The following SRPRA variants were observed in gnomAD, a reference collection of about 807,000 sequenced individuals.
The protein encoded by SRPRA is SRP receptor subunit alpha.
A neutral mutation model predicts 61.1 loss-of-function variants in SRPRA; 30 were observed. The observed-to-expected ratio is 0.49, with a 90% CI of 0.37 to 0.67. The LOEUF is 0.67. Among genes scored for constraint, SRPRA ranks in the 30% least tolerant of loss-of-function variants. The pLI, the probability that SRPRA is intolerant of heterozygous loss-of-function variation, is 0.00. For missense variants in SRPRA, 759 were observed against 828.4 expected (o/e 0.92, Z 1.03); for synonymous variants, 324 against 299.7 (o/e 1.08, Z -0.84).
the SRPRA span, among the ~76,000 whole-genome samples, chr11:126,238,030 T>G: frequency 6.6e-6 from 1 of 152,090 alleles, no homozygotes; most frequent in African/African-American, 2.4e-5. Context: ...GAGGTGACCC[T>G]TGTTTGTCTG....
chr11:126,246,613 C>CT, the SRPRA span, among the ~76,000 whole-genome samples: 6 of 151,902 alleles, frequency 3.9e-5, no homozygotes, highest in South Asian at 6.2e-4. Flanking sequence ...TTTTTTCTTT[C>CT]TTTTTTTAAA....
At position 126,266,079 on chromosome 11, in the gene SRPRA, G is replaced by A. The variant is rs138456100; in HGVS notation, c.935C>T (p.Ala312Val). Residue 312 changes from alanine to valine, a missense_variant and splice_region_variant, in exon 8 of 14, where the codon GCG becomes GTG. Transcript: ENST00000332118. ...GAAQNSTKPS[A>V]TKGTLGGMFG... ...CATGCCACCCAGTGTTCCCTTGGTC[G>A]CACTGCAGGGACAGGAGATTACACA... is the stretch of plus-strand genomic sequence containing the variant. The A allele has an allele frequency of 1.2e-4, 193 of 1,614,002 alleles. No individual in the cohort carries two copies. The African/African-American group carries it at 1.7e-3, about 15-fold the overall frequency.
At chr11:126,262,300 A>C (rs992041329), downstream of SRPRA, 10 of 674,624 alleles carry the variant, frequency 1.5e-5, no homozygotes, top group Non-Finnish European at 2.3e-5. Context: ...GTAATCCTTC[A>C]TACCACCTGG....
At chr11:126,256,953 A>G in the SRPRA span, 3 of 1,254,332 alleles carry the variant, frequency 2.4e-6, no homozygotes, top group Non-Finnish European at 3.3e-6. The surrounding 1 kb of genome is among the most constrained non-coding windows in gnomAD (Gnocchi z 6.6). Flanking sequence ...AAGATGAGGA[A>G]TGTAATGACT....
At chr11:126,260,455 C>T (rs1261212491), downstream of SRPRA, 2 of 150,808 alleles carry the variant, frequency 1.3e-5, no homozygotes, top group Non-Finnish European at 3.0e-5. Context: ...TTTCCCACAT[C>T]CCTATCTTCA....
chr11:126,241,767 C>T, the SRPRA span, among the ~76,000 whole-genome samples: 8 of 152,088 alleles, frequency 5.3e-5, no homozygotes, highest in Non-Finnish European at 1.2e-4. Context: ...TCAAGCTGGT[C>T]TCGAACTTCT....
downstream of SRPRA, chr11:126,261,558 G>A: frequency 7.7e-7 from 1 of 1,303,244 alleles, no homozygotes; most frequent in Non-Finnish European, 1.1e-6. Flanking sequence ...TAAGAATATA[G>A]AGAATGTTAC....
At chr11:126,250,751 G>T in the SRPRA span, 1 of 1,557,968 alleles carries the variant, frequency 6.4e-7, no homozygotes, top group Non-Finnish European at 8.8e-7. This position sits in a 1 kb window ranked among gnomAD's most constrained non-coding sequence, Gnocchi z 5.1. Flanking sequence ...GTAAAGCATT[G>T]GTCCCTTCTT....
downstream of SRPRA, chr11:126,262,422 C>G (rs1427370517): frequency 1.3e-5 from 6 of 447,192 alleles, no homozygotes; most frequent in Non-Finnish European, 2.0e-5. Flanking sequence ...ACACAGCACA[C>G]CAATGTGATA....
chr11:126,255,500 C>T, the SRPRA span, among the ~76,000 whole-genome samples: 1 of 152,178 alleles, frequency 6.6e-6, no homozygotes, highest in Admixed American at 6.5e-5. This position sits in a 1 kb window ranked among gnomAD's most constrained non-coding sequence, Gnocchi z 4.6. Context: ...TACACACACA[C>T]ACACATACTG....
the SRPRA span, among the ~76,000 whole-genome samples, chr11:126,255,463 T>C: frequency 6.6e-6 from 1 of 152,202 alleles, no homozygotes; most frequent in Non-Finnish European, 1.5e-5. The surrounding 1 kb of genome is among the most constrained non-coding windows in gnomAD (Gnocchi z 4.6). Context: ...AGGCAGTCAT[T>C]TCTGTGTTTT....
the SRPRA span, chr11:126,256,552 A>G: frequency 6.2e-7 from 1 of 1,612,022 alleles, no homozygotes; most frequent in Non-Finnish European, 8.5e-7. The surrounding 1 kb of genome is among the most constrained non-coding windows in gnomAD (Gnocchi z 6.6). Context: ...AATATGTTGT[A>G]TCTTTTCCTT....
downstream of SRPRA, chr11:126,261,371 A>G: frequency 6.8e-7 from 1 of 1,476,516 alleles, no homozygotes; most frequent in East Asian, 2.3e-5. Flanking sequence ...TCTTTTTGCT[A>G]TTAATAGTTT....
intron 5 of SRPRA, 34 bp downstream of exon 5, chr11:126,266,729 A>C: frequency 6.2e-7 from 1 of 1,611,654 alleles, no homozygotes; most frequent in African/African-American, 1.3e-5. Flanking sequence ...TCTAGATAAC[A>C]GTATTTTGAG....
Position 126,265,026 on chromosome 11 carries a change from C to T in SRPRA, c.1458G>A (p.Met486Ile). 8.7e-6 allele frequency: 14 copies of T among 1,614,190 alleles called. No homozygotes were observed. Among genetic ancestry groups the T allele is most frequent in the Non-Finnish European group, 1.2e-5 (14 of 1,180,038 alleles). The change falls in exon 11 of 14, where the codon ATG becomes ATA. Residue 486 changes from methionine (M) to isoleucine (I), a missense_variant. Met to Ile is a conservative substitution (Grantham distance 10). Coordinates refer to ENST00000332118, the MANE Select transcript of SRPRA (RefSeq NM_003139.4). The surrounding 1 kb of genome is among the most constrained non-coding windows in gnomAD (Gnocchi z 6.3). ...CATAGCCCTTTTCAAACAACTGCAC[C>T]ATGGTGCGGCCACCATGCTTCTCTG... ...HPPEKHGGRT[M>I]VQLFEKGYGK...
Position 126,267,383 on chromosome 11 carries a change from A to G in SRPRA, c.366-48T>C. ...TATCTTTCTACCCCATGCAGAAGGA[A>G]AAATAACGGTCCAGAGAAAGGACTC... On this transcript the variant is annotated intron_variant, in intron 3 of 13. Coordinates refer to ENST00000332118, the MANE Select transcript of SRPRA (RefSeq NM_003139.4). The surrounding 1 kb of genome is among the most constrained non-coding windows in gnomAD (Gnocchi z 4.2). The G allele has an allele frequency of 6.2e-7, 1 of 1,604,502 alleles. No individual in the cohort carries two copies.
At chr11:126,240,183 C>T in the SRPRA span, among the ~76,000 whole-genome samples, 2 of 152,082 alleles carry the variant, frequency 1.3e-5, no homozygotes, top group Admixed American at 1.3e-4. Context: ...GAATGTTTTT[C>T]ACTTTTTGTC....
At position 126,264,543 on chromosome 11, in the gene SRPRA, G is replaced by T. The variant is rs368885913; in HGVS notation, c.1526-4C>A. ...ACGTCAAAGCCTTGGTTACGTGCTAGAGAAAGAAAGTAGTCAACTCTGAAC... is the reference window on the plus strand; with the variant it reads ...ACGTCAAAGCCTTGGTTACGTGCTATAGAAAGAAAGTAGTCAACTCTGAAC... On this transcript the variant is annotated splice_region_variant and splice_polypyrimidine_tract_variant and intron_variant, in intron 11 of 13. Coordinates refer to ENST00000332118, the MANE Select transcript of SRPRA (RefSeq NM_003139.4). This position sits in a 1 kb window ranked among gnomAD's most constrained non-coding sequence, Gnocchi z 5.0. The T allele has an allele frequency of 1.9e-6, 3 of 1,612,258 alleles. No individual in the cohort carries two copies. The highest frequency in any genetic ancestry group is 1.3e-5 in the African/African-American group (1 of 75,016).
In SRPRA at chr11:126,265,526, C is replaced by CT. The variant is rs975475618; in HGVS notation, c.1139-87dup. ...CTAACACCTTTCTGAGCTAAGGGGA[C>CT]TAAAACAGTAAATTAGACTCTTGTC... On this transcript the variant is annotated intron_variant, in intron 9 of 13. Transcript: ENST00000332118. The surrounding 1 kb of genome is among the most constrained non-coding windows in gnomAD (Gnocchi z 6.3). The CT allele has an allele frequency of 8.9e-6, 13 of 1,452,962 alleles. No homozygotes were observed. Among genetic ancestry groups the CT allele is most frequent in the Non-Finnish European group, 1.2e-5 (13 of 1,071,712 alleles). 90.0% of individuals were successfully genotyped at this position (1,452,962 alleles called of 1,614,324 possible).
Sources: gnomAD v4.1 joint callset for allele counts (sites outside exome capture counted in the v4.1 genomes callset) on GRCh38, gnomAD v4.1.1 for gene constraint, Gnocchi (gnomAD v3.1) non-coding constraint, MANE v1.5 for transcripts, NCBI Gene and HGNC (gene_info 2026-07-23, HGNC 2026-07-21) for gene names.